The following G6PD variants were observed in gnomAD, a reference collection of about 807,000 sequenced individuals.
The protein encoded by G6PD is glucose-6-phosphate 1-dehydrogenase.
In G6PD, 2 loss-of-function variants were observed where a neutral mutation model predicts 38.2. The ratio of observed to expected loss-of-function variants is 0.05; its 90% CI spans 0.02 to 0.16. The LOEUF (loss-of-function observed/expected upper bound fraction) is 0.16, where lower values mean the gene tolerates loss of function less well. Among genes scored for constraint, G6PD ranks in the 10% least tolerant of loss-of-function variants. G6PD has a pLI of 1.00. For synonymous variants in G6PD, 188 were observed against 196.0 expected (o/e 0.96, Z 0.34); for missense variants, 310 against 471.6 (o/e 0.66, Z 3.17).
At chrX:154,543,700 A>AT (rs1350975070) in intron 2 of G6PD, among the ~76,000 whole-genome samples, 1 of 108,434 alleles carries the variant, frequency 9.2e-6, no homozygotes, top group Non-Finnish European at 1.9e-5. Context: ...TTTTATTTTT[A>AT]TTTTTTTGAG....
Position 154,532,288 on chromosome X carries a change from G to A in G6PD, c.1365-8C>T. On this transcript the variant is annotated splice_region_variant and splice_polypyrimidine_tract_variant and intron_variant, in intron 11 of 12. Coordinates refer to ENST00000393562, the MANE Select transcript of G6PD (RefSeq NM_001360016.2). ...GCCTCACGGAGCTCGTCGCTGAGGG[G>A]ACATGGTATGGCTTGGGAGGCCGGT... The A allele has an allele frequency of 1.7e-6, 2 of 1,211,120 alleles. No homozygotes were observed. Among genetic ancestry groups the A allele is most frequent in the Non-Finnish European group, 1.1e-6 (1 of 894,772 alleles).
At chrX:154,538,035 C>T (rs999701799) in intron 2 of G6PD, among the ~76,000 whole-genome samples, 6 of 106,714 alleles carry the variant, frequency 5.6e-5, no homozygotes, top group Non-Finnish European at 1.2e-4. Context: ...CACTCTGTCA[C>T]CTAGGCTGGA....
chrX:154,547,253 C>T, upstream of G6PD: 9 of 681,204 alleles, frequency 1.3e-5, no homozygotes, highest in Non-Finnish European at 1.6e-5. Context: ...TGGGCTGTCC[C>T]TCGGCTCCTG....
chrX:154,533,206 G>T, intron 8 of G6PD, 78 bp from the exon 9 acceptor site: 1 of 1,074,394 alleles, frequency 9.3e-7, no homozygotes, highest in Non-Finnish European at 1.3e-6. Flanking sequence ...CCACAGATGT[G>T]CAGCCCTCAG....
chrX:154,545,989 A>T (rs2070699218), intron 2 of G6PD, 47 bp downstream of exon 2: 1 of 1,204,931 alleles, frequency 8.3e-7, no homozygotes, highest in Admixed American at 2.2e-5. Context: ...TGAGGCATGG[A>T]GCAGGCACTT....
chrX:154,546,752 G>A (rs986916864), intron 1 of G6PD, 37 bp downstream of exon 1: 119 of 1,085,168 alleles, frequency 1.1e-4, no homozygotes, highest in Admixed American at 5.2e-4. Context: ...GGGACAGTAC[G>A]CTCCTCCGCC....
intron 7 of G6PD, 84 bp downstream of exon 7, chrX:154,533,948 TCCC>T: frequency 8.3e-7 from 1 of 1,202,327 alleles, no homozygotes; most frequent in Admixed American, 2.2e-5. Context: ...GAGGAGGAGC[TCCC>T]CCAAGATAGG....
chrX:154,535,400 C>A lies in G6PD; in HGVS notation c.268-15G>T. On this transcript the variant is annotated splice_polypyrimidine_tract_variant and intron_variant, in intron 4 of 12. Coordinates refer to ENST00000393562, the MANE Select transcript of G6PD (RefSeq NM_001360016.2). The stretch of plus-strand genomic sequence containing the variant: ...TCTGGGGTGGCCTGGGAGACACGGA[C>A]AGACAGACACACAGACAGATGTCAG... 8.5e-7 allele frequency: 1 copy of A among 1,179,434 alleles called. No homozygotes were observed. Among genetic ancestry groups the A allele is most frequent in the Non-Finnish European group, 1.2e-6 (1 of 868,603 alleles).
chrX:154,545,856 A>AT, intron 2 of G6PD, 180 bp downstream of exon 2: 3 of 460,817 alleles, frequency 6.5e-6, no homozygotes, highest in Non-Finnish European at 1.1e-5. Flanking sequence ...AAAAAAAAAA[A>AT]GTCTTGCAAG....
intron 2 of G6PD, among the ~76,000 whole-genome samples, chrX:154,538,866 G>C (rs1290573023): frequency 1.8e-5 from 2 of 108,129 alleles, no homozygotes; most frequent in Non-Finnish European, 3.8e-5. Context: ...GGAGAGACTG[G>C]AGTGAGCCGA....
intron 2 of G6PD, chrX:154,542,143 C>A: frequency 2.1e-6 from 1 of 480,060 alleles, no homozygotes; most frequent in South Asian, 3.4e-5. Context: ...CAGCAAGAAT[C>A]TTATCAGACC....
Position 154,546,830 on chromosome X carries a change from A to C in G6PD, c.-50T>G. 1.7e-6 allele frequency: 2 copies of C among 1,151,635 alleles called. No individual in the cohort carries two copies. Among genetic ancestry groups the C allele is most frequent in the Non-Finnish European group, 2.3e-6 (2 of 868,137 alleles). The allele number at this position is 1,151,635 out of a possible 1,213,427, so 94.9% of individuals were successfully genotyped here. ...TCGCCCTCCGCGCTCGCAGCCCCGA[A>C]GTGTACGACCGTTTCCGGGGGCTGA... On this transcript the variant is annotated 5_prime_UTR_variant, in exon 1 of 13. Coordinates refer to ENST00000393562, the MANE Select transcript of G6PD (RefSeq NM_001360016.2).
intron 2 of G6PD, among the ~76,000 whole-genome samples, chrX:154,545,317 A>T (rs1185502351): frequency 1.8e-5 from 2 of 112,269 alleles, no homozygotes; most frequent in African/African-American, 6.5e-5. Flanking sequence ...TTCAAAGAAA[A>T]GCTAAGTGTT....
intron 2 of G6PD, among the ~76,000 whole-genome samples, chrX:154,537,349 G>A (rs1303120854): frequency 9.0e-6 from 1 of 111,404 alleles, no homozygotes. Flanking sequence ...TGGACGCGGT[G>A]GCTCAAGCCT....
At chrX:154,537,374 T>C (rs1457295013) in intron 2 of G6PD, among the ~76,000 whole-genome samples, 1 of 110,878 alleles carries the variant, frequency 9.0e-6, no homozygotes, top group Non-Finnish European at 1.9e-5. Context: ...TCCCAGCACT[T>C]TGGAAGGCCG....
intron 2 of G6PD, chrX:154,542,501 C>T (rs782457761): frequency 1.8e-6 from 2 of 1,132,379 alleles, no homozygotes; most frequent in Non-Finnish European, 2.3e-6. Flanking sequence ...CCTGAGAAGG[C>T]AGGAAGTGGC....
chrX:154,533,911 A>T, intron 7 of G6PD, 124 bp downstream of exon 7: 2 of 1,203,223 alleles, frequency 1.7e-6, no homozygotes, highest in Non-Finnish European at 2.2e-6. Context: ...CTGATAGCTC[A>T]GACACTTAGG....
chrX:154,531,879 G>A lies in G6PD; in HGVS notation c.*121C>T, dbSNP rs1200330596. 3.7e-6 allele frequency: 4 copies of A among 1,084,172 alleles called. No individual in the cohort carries two copies. The highest frequency in any genetic ancestry group is 4.9e-6 in the Non-Finnish European group (4 of 810,353). 89.3% of individuals were successfully genotyped at this position (1,084,172 alleles called of 1,213,427 possible). Reference sequence around the variant, plus strand: ...GCAGCAGCGAGGGGCGGGCCAGGGTGGCCAGAGCCCGGGGCCAGGAATGTG... The same window carrying A: ...GCAGCAGCGAGGGGCGGGCCAGGGTAGCCAGAGCCCGGGGCCAGGAATGTG... On this transcript the variant is annotated 3_prime_UTR_variant, in exon 13 of 13. Transcript: ENST00000393562.
intron 2 of G6PD, among the ~76,000 whole-genome samples, chrX:154,539,567 T>C (rs1275218435): frequency 9.1e-6 from 1 of 110,303 alleles, no homozygotes; most frequent in African/African-American, 3.3e-5. Flanking sequence ...AAATGACCCT[T>C]TGAGGGCCAG....
Sources: gnomAD v4.1 joint callset for allele counts (sites outside exome capture counted in the v4.1 genomes callset) on GRCh38, gnomAD v4.1.1 for gene constraint, MANE v1.5 for transcripts, NCBI Gene and HGNC (gene_info 2026-07-23, HGNC 2026-07-21) for gene names.